The following EDA variants were observed in gnomAD, a reference collection of about 807,000 sequenced individuals.
The protein encoded by EDA is ectodysplasin-A.
A neutral mutation model predicts 23.6 loss-of-function variants in EDA; 2 were observed. That is an observed-to-expected ratio of 0.08 (90% CI 0.03 to 0.27). The LOEUF (loss-of-function observed/expected upper bound fraction) is 0.27. Ranked by LOEUF, EDA falls within the 10% of genes least tolerant of loss-of-function variation. The probability of loss-of-function intolerance (pLI) is 1.00; values close to 1 mark genes in which losing one functional copy is unlikely to be tolerated. For synonymous variants in EDA, 131 were observed against 132.0 expected, an observed-to-expected ratio of 0.99 and a Z score of 0.05; for missense variants, 229 against 324.2, an observed-to-expected ratio of 0.71 and a Z score of 2.26.
chrX:69,782,273 G>A (rs778550105), intron 1 of EDA, among the ~76,000 whole-genome samples: 2 of 107,002 alleles, frequency 1.9e-5, no homozygotes, highest in Non-Finnish European at 3.8e-5. Context: ...GAAGAGAAAG[G>A]TGAGTCAGTC....
At chrX:69,754,535 T>A (rs2014027742) in intron 1 of EDA, among the ~76,000 whole-genome samples, 2 of 111,524 alleles carry the variant, frequency 1.8e-5, no homozygotes, top group African/African-American at 6.5e-5. Flanking sequence ...ATCTGACAAT[T>A]ATATGTATTG....
intron 1 of EDA, among the ~76,000 whole-genome samples, chrX:69,950,781 G>A (rs1449029787): frequency 1.1e-5 from 1 of 88,275 alleles, no homozygotes; most frequent in Non-Finnish European, 2.2e-5. Context: ...ATGAGTTCAT[G>A]TCCTTTGTAG....
intron 2 of EDA, among the ~76,000 whole-genome samples, chrX:69,996,900 C>T (rs1369207460): frequency 8.9e-6 from 1 of 112,356 alleles, no homozygotes; most frequent in Non-Finnish European, 1.9e-5. Flanking sequence ...CTCTTGTCTG[C>T]TGCCATGTGA....
At chrX:69,845,314 A>T (rs12854119) in intron 1 of EDA, among the ~76,000 whole-genome samples, 5 of 111,136 alleles carry the variant, frequency 4.5e-5, no homozygotes, top group Non-Finnish European at 9.5e-5. Flanking sequence ...CATTTTTCAT[A>T]TATTTGGCTA....
At chrX:69,765,968 A>G (rs1056567397) in intron 1 of EDA, among the ~76,000 whole-genome samples, 9 of 112,112 alleles carry the variant, frequency 8.0e-5, no homozygotes, top group Non-Finnish European at 1.7e-4. Flanking sequence ...AAGAAAAAGA[A>G]TCGTACAGCA....
chrX:69,892,481 T>C (rs1384492102), intron 1 of EDA, among the ~76,000 whole-genome samples: 2 of 111,346 alleles, frequency 1.8e-5, no homozygotes, highest in African/African-American at 6.5e-5. Context: ...ACTTATGCTG[T>C]GACCACAGCT....
In EDA at chrX:70,037,022, C is replaced by T. The variant is rs1157355294; in HGVS notation, c.*1413C>T. On this transcript the variant is annotated 3_prime_UTR_variant, in exon 8 of 8. Transcript: ENST00000374552. ...TCCAAATTCACCTTCCCCTAAACCC[C>T]AAGCTTCCCAACAGATCATATGGTA... 8.9e-6 allele frequency: 1 copy of T among 112,076 alleles called. No individual in the cohort carries two copies. Among genetic ancestry groups the T allele is most frequent in the Non-Finnish European group, 1.9e-5 (1 of 53,226 alleles). 9.2% of individuals were successfully genotyped at this position (112,076 alleles called of 1,213,427 possible).
chrX:69,873,427 CA>C (rs1289015316), intron 1 of EDA, among the ~76,000 whole-genome samples: 1 of 110,286 alleles, frequency 9.1e-6, no homozygotes, highest in Admixed American at 9.6e-5. Context: ...TTGAAACAAA[CA>C]AAAAAAATAC....
intron 6 of EDA, 87 bp from the exon 7 acceptor site, chrX:70,033,311 T>A (rs1029368368): frequency 2.8e-5 from 32 of 1,154,564 alleles, no homozygotes; most frequent in Non-Finnish European, 3.5e-5. Flanking sequence ...GGGATAGGGG[T>A]GGGGGTTGTG....
chrX:70,014,777 T>C (rs2019923982), intron 2 of EDA, among the ~76,000 whole-genome samples: 2 of 112,279 alleles, frequency 1.8e-5, no homozygotes, highest in African/African-American at 3.2e-5. Flanking sequence ...CAATTGCAAG[T>C]ATTACCAGCA....
At chrX:69,835,531 C>T (rs144920155) in intron 1 of EDA, among the ~76,000 whole-genome samples, 285 of 111,939 alleles carry the variant, frequency 2.5e-3, no homozygotes, top group Non-Finnish European at 4.5e-3. Flanking sequence ...GCATGTGTCA[C>T]GTAGTTCTCG....
At chrX:69,741,011 A>T (rs2013441354) in intron 1 of EDA, among the ~76,000 whole-genome samples, 1 of 109,540 alleles carries the variant, frequency 9.1e-6, no homozygotes, top group South Asian at 3.7e-4. Flanking sequence ...TTTCATATAT[A>T]TAGAAAATAT....
intron 1 of EDA, among the ~76,000 whole-genome samples, chrX:69,931,662 A>G (rs1480433442): frequency 1.8e-5 from 2 of 112,330 alleles, no homozygotes; most frequent in Non-Finnish European, 3.8e-5. Context: ...ACCTATTAGA[A>G]TAATTAAACT....
chrX:69,702,843 A>G (rs1403315142), intron 1 of EDA, among the ~76,000 whole-genome samples: 1 of 111,282 alleles, frequency 9.0e-6, no homozygotes, highest in Non-Finnish European at 1.9e-5. Context: ...TCGAATGTTC[A>G]TTTGCGGGCC....
At chrX:69,922,054 A>G (rs78138250) in intron 1 of EDA, among the ~76,000 whole-genome samples, 10,522 of 111,525 alleles carry the variant, frequency 0.094, 1,081 homozygotes, top group East Asian at 0.71. Context: ...AGGATAGTGA[A>G]GTGTATAGAC....
At chrX:69,681,220 G>A (rs1258705351) in intron 1 of EDA, among the ~76,000 whole-genome samples, 1 of 110,511 alleles carries the variant, frequency 9.0e-6, no homozygotes, top group Non-Finnish European at 1.9e-5. Flanking sequence ...TCCCTTTGAG[G>A]GTAACCCGAC....
At chrX:69,761,212 G>A (rs1220732975) in intron 1 of EDA, among the ~76,000 whole-genome samples, 2 of 110,799 alleles carry the variant, frequency 1.8e-5, no homozygotes, top group African/African-American at 6.6e-5. Context: ...TAGGGTTCAG[G>A]TATAGCTAAA....
intron 1 of EDA, among the ~76,000 whole-genome samples, chrX:69,868,934 C>G (rs2017525635): frequency 8.9e-6 from 1 of 112,307 alleles, no homozygotes; most frequent in African/African-American, 3.2e-5. Context: ...CAAGATCCAT[C>G]TGTCTTCTGC....
At chrX:69,707,939 C>T (rs759110702) in intron 1 of EDA, among the ~76,000 whole-genome samples, 89 of 111,234 alleles carry the variant, frequency 8.0e-4, no homozygotes, top group Middle Eastern at 4.6e-3. Flanking sequence ...AATTTGAGAG[C>T]TCAAGCAACA....
Sources: gnomAD v4.1 joint callset for allele counts (sites outside exome capture counted in the v4.1 genomes callset) on GRCh38, gnomAD v4.1.1 for gene constraint, MANE v1.5 for transcripts, NCBI Gene and HGNC (gene_info 2026-07-23, HGNC 2026-07-21) for gene names.